Variants in ATXN8OS observed in about 807,000 individuals in gnomAD.
The protein encoded by ATXN8OS is ATXN8 opposite strand lncRNA.
chr13:70,151,998 T>C (rs1217052316), intron 4 of ATXN8OS, among the ~76,000 whole-genome samples: 1 of 152,156 alleles, frequency 6.6e-6, no homozygotes, highest in African/African-American at 2.4e-5. Context: ...ATAGTCTTTA[T>C]CTTGACCTAC....
intron 3 of ATXN8OS, among the ~76,000 whole-genome samples, chr13:70,134,854 C>G (rs1157108): frequency 0.02 from 2,999 of 152,050 alleles, 64 homozygotes; most frequent in African/African-American, 0.053. Context: ...ATCTGAGGGC[C>G]ACTGACACAC....
At chr13:70,170,832 A>G (rs891465203) in exon 5 of ATXN8OS, among the ~76,000 whole-genome samples, 2 of 152,102 alleles carry the variant, frequency 1.3e-5, no homozygotes, top group Admixed American at 1.3e-4. Context: ...ATAGCCTACT[A>G]CACACCTATG....
intron 1 of ATXN8OS, among the ~76,000 whole-genome samples, chr13:70,110,510 GA>G (rs148222366): frequency 9.7e-5 from 14 of 144,578 alleles, no homozygotes; most frequent in African/African-American, 1.3e-4. Context: ...AATAAAACAA[GA>G]AAAAAAAATG....
At chr13:70,140,891 T>C (rs1000223093) in intron 3 of ATXN8OS, among the ~76,000 whole-genome samples, 3 of 152,148 alleles carry the variant, frequency 2.0e-5, no homozygotes, top group African/African-American at 2.4e-5. Context: ...AAATAAGCTA[T>C]GGTCAGTAGA....
intron 3 of ATXN8OS, among the ~76,000 whole-genome samples, chr13:70,141,620 G>A (rs1020934910): frequency 2.6e-5 from 4 of 151,770 alleles, no homozygotes; most frequent in African/African-American, 9.7e-5. Context: ...GTGTGTGTAC[G>A]TATATATATA....
intron 4 of ATXN8OS, among the ~76,000 whole-genome samples, chr13:70,167,574 T>C (rs932536876): frequency 6.6e-6 from 1 of 151,914 alleles, no homozygotes; most frequent in Non-Finnish European, 1.5e-5. Flanking sequence ...GAAGAGTTAA[T>C]GGGTGCAGCA....
At chr13:70,151,514 G>A (rs1249693338) in intron 4 of ATXN8OS, among the ~76,000 whole-genome samples, 1 of 152,034 alleles carries the variant, frequency 6.6e-6, no homozygotes, top group Non-Finnish European at 1.5e-5. Flanking sequence ...AGGAAGTAAA[G>A]GCACAAGAAA....
At chr13:70,116,175 A>C (rs1888274778) in intron 2 of ATXN8OS, among the ~76,000 whole-genome samples, 1 of 150,424 alleles carries the variant, frequency 6.6e-6, no homozygotes. Flanking sequence ...AAAAAAAAGT[A>C]GACCAAAATC....
chr13:70,112,758 A>G (rs1227785081), intron 1 of ATXN8OS, among the ~76,000 whole-genome samples: 1 of 151,982 alleles, frequency 6.6e-6, no homozygotes, highest in Non-Finnish European at 1.5e-5. Context: ...GCATTAAAAT[A>G]GTGAATTTCT....
chr13:70,162,283 C>G (rs559055348), intron 4 of ATXN8OS, among the ~76,000 whole-genome samples: 3 of 152,104 alleles, frequency 2.0e-5, no homozygotes, highest in Non-Finnish European at 2.9e-5. Context: ...AAACCTGAGA[C>G]GCAGAATTCA....
intron 4 of ATXN8OS, among the ~76,000 whole-genome samples, chr13:70,151,067 C>G (rs896872750): frequency 2.0e-5 from 3 of 151,998 alleles, no homozygotes; most frequent in Non-Finnish European, 4.4e-5. Context: ...GTGAAACCAT[C>G]GCTACAATCA....
intron 2 of ATXN8OS, among the ~76,000 whole-genome samples, chr13:70,116,021 C>T (rs1888273062): frequency 6.6e-6 from 1 of 152,058 alleles, no homozygotes; most frequent in African/African-American, 2.4e-5. Context: ...AAGAAATCTT[C>T]ACATTTAAAT....
chr13:70,118,524 C>CAT (rs1888313288), intron 2 of ATXN8OS, among the ~76,000 whole-genome samples: 1 of 151,766 alleles, frequency 6.6e-6, no homozygotes. Flanking sequence ...GTAAGAATGC[C>CAT]ATATATACAT....
chr13:70,168,386 C>T (rs1478009335), intron 4 of ATXN8OS, among the ~76,000 whole-genome samples: 2 of 152,026 alleles, frequency 1.3e-5, no homozygotes, highest in Non-Finnish European at 2.9e-5. Flanking sequence ...ATCCTCTCTT[C>T]TAGCTATTTT....
intron 2 of ATXN8OS, among the ~76,000 whole-genome samples, chr13:70,127,071 TTATC>T (rs982417394): frequency 1.1e-4 from 17 of 151,870 alleles, no homozygotes; most frequent in African/African-American, 3.1e-4. Context: ...CTCTATGTCT[TTATC>T]TATTTCCATC....
chr13:70,109,146 A>G (rs1232992446), intron 1 of ATXN8OS, among the ~76,000 whole-genome samples: 3 of 152,250 alleles, frequency 2.0e-5, no homozygotes, highest in Non-Finnish European at 4.4e-5. Flanking sequence ...TAGGCAATAA[A>G]TGAGAATAGC....
chr13:70,143,973 TAA>T (rs1326595950), intron 3 of ATXN8OS, among the ~76,000 whole-genome samples: 1 of 152,146 alleles, frequency 6.6e-6, no homozygotes, highest in African/African-American at 2.4e-5. Flanking sequence ...GTATGTAAAT[TAA>T]AAGATTAGAT....
chr13:70,138,629 T>G (rs1888652578), intron 3 of ATXN8OS, among the ~76,000 whole-genome samples: 1 of 152,096 alleles, frequency 6.6e-6, no homozygotes, highest in Non-Finnish European at 1.5e-5. Flanking sequence ...ATTTCAATAT[T>G]TAGCTGTTAA....
intron 3 of ATXN8OS, among the ~76,000 whole-genome samples, chr13:70,138,953 T>C (rs1888657085): frequency 6.6e-6 from 1 of 152,142 alleles, no homozygotes; most frequent in Non-Finnish European, 1.5e-5. Flanking sequence ...AGCCTTACTG[T>C]TTTTCTCATT....
Sources: gnomAD v4.1 joint callset for allele counts (sites outside exome capture counted in the v4.1 genomes callset) on GRCh38, gnomAD v4.1.1 for gene constraint, MANE v1.5 for transcripts, NCBI Gene and HGNC (gene_info 2026-07-23, HGNC 2026-07-21) for gene names.